ATP6V0D2: variants seen among roughly 807,000 people sequenced by gnomAD.
ATP6V0D2 encodes V-type proton ATPase subunit d 2.
A neutral mutation model predicts 40.0 loss-of-function variants in ATP6V0D2; 40 were observed. The observed-to-expected ratio is 1.00, with a 90% CI of 0.78 to 1.30. ATP6V0D2 has a LOEUF of 1.30. Among genes scored for constraint, ATP6V0D2 ranks in the 50% most tolerant of loss-of-function variants. The probability of loss-of-function intolerance (pLI) is 0.00; values close to 1 mark genes in which losing one functional copy is unlikely to be tolerated. For missense variants in ATP6V0D2, 470 were observed against 423.1 expected, an observed-to-expected ratio of 1.11 and a Z score of -0.97; for synonymous variants, 179 against 156.3, an observed-to-expected ratio of 1.15 and a Z score of -1.08.
chr8:86,103,707 T>C (rs997139539), intron 1 of ATP6V0D2, among the ~76,000 whole-genome samples: 3 of 152,160 alleles, frequency 2.0e-5, no homozygotes, highest in African/African-American at 7.2e-5. Flanking sequence ...GGATGGCAAT[T>C]GGGTAGTACC....
In ATP6V0D2 at chr8:86,099,587, G is replaced by A. The variant is rs531701509; in HGVS notation, c.130+479G>A. ...TGGCTCACCACAACCTCCGCCTCCC[G>A]GGTTCAAGCAATTCTCCTGCCTCAG... On this transcript the variant is annotated intron_variant, in intron 1 of 7. Transcript: ENST00000285393. Among the ~76,000 whole-genome samples the A allele has an allele frequency of 1.4e-3, 215 of 152,202 alleles. 6 individuals are homozygous for A. The South Asian group carries it at 0.041, about 29-fold the overall frequency.
At chr8:86,108,556 T>A (rs1818496646) in intron 1 of ATP6V0D2, among the ~76,000 whole-genome samples, 1 of 152,142 alleles carries the variant, frequency 6.6e-6, no homozygotes, top group Admixed American at 6.5e-5. Context: ...CAGCAGAGTG[T>A]GGGGAAAGGC....
intron 5 of ATP6V0D2, among the ~76,000 whole-genome samples, chr8:86,146,272 G>A (rs982055562): frequency 1.3e-5 from 2 of 152,150 alleles, no homozygotes; most frequent in Non-Finnish European, 2.9e-5. Flanking sequence ...AAAAAGGATA[G>A]TATCATAAAA....
chr8:86,113,851 G>A lies in ATP6V0D2; in HGVS notation c.273G>A (p.Glu91=), dbSNP rs1048567985. 4 of 1,613,684 alleles carry A rather than the reference G, an allele frequency of 2.5e-6. No individual in the cohort carries two copies. The African/African-American group carries it at 4.0e-5, about 16-fold the overall frequency. ...AGTATTTCCGGAATCATTCCCTGGA[G>A]CCCCTCAGCACATTTCTCACCTATA... ...EFEYFRNHSL[E]PLSTFLTYMT... is the part of the protein sequence containing the mutation. Residue 91 remains glutamate, a synonymous_variant, in exon 2 of 8, where the codon GAG becomes GAA. Coordinates refer to ENST00000285393, the MANE Select transcript of ATP6V0D2 (RefSeq NM_152565.1).
At position 86,139,534 on chromosome 8, in the gene ATP6V0D2, G is replaced by A. The variant is rs143921940; in HGVS notation, c.380G>A (p.Gly127Glu). 4 of 1,613,758 alleles carry A rather than the reference G, an allele frequency of 2.5e-6. No homozygotes were observed. The African/African-American group carries it at 5.3e-5, about 22-fold the overall frequency. ...LQKKSVKEIL[G>E]KCHPLGRFTE... is the part of the protein sequence containing the mutation. ...AAAAAATCTGTGAAAGAAATTCTGG[G>A]GAAGTGCCACCCCTTGGGCCGTTTC... is the stretch of plus-strand genomic sequence containing the variant. Residue 127 changes from glycine to glutamate, a missense_variant, in exon 3 of 8, where the codon GGG becomes GAG. Coordinates refer to ENST00000285393, the MANE Select transcript of ATP6V0D2 (RefSeq NM_152565.1).
At chr8:86,126,004 C>A (rs573683532) in intron 2 of ATP6V0D2, among the ~76,000 whole-genome samples, 4 of 149,988 alleles carry the variant, frequency 2.7e-5, no homozygotes, top group African/African-American at 9.7e-5. Flanking sequence ...GGTGTGTGAT[C>A]TTGGCTCACT....
intron 1 of ATP6V0D2, among the ~76,000 whole-genome samples, chr8:86,102,700 G>A (rs1183066483): frequency 2.0e-5 from 3 of 152,206 alleles, no homozygotes; most frequent in African/African-American, 7.2e-5. Context: ...TGGGTTAAGT[G>A]TAGTAAGAAA....
intron 7 of ATP6V0D2, among the ~76,000 whole-genome samples, chr8:86,152,292 A>T (rs1819169024): frequency 6.6e-6 from 1 of 152,186 alleles, no homozygotes. Flanking sequence ...CATGGTATAT[A>T]TGTGCCACAT....
rs531159801 is a variant in ATP6V0D2, at chr8:86,152,870, G to A, written c.946G>A (p.Ala316Thr). 3.5e-5 allele frequency: 57 copies of A among 1,612,562 alleles called. No individual in the cohort carries two copies. The South Asian group carries it at 6.3e-4, about 18-fold the overall frequency. ...ACAGTTCCACTACGGTGTGTTTTATGCATATGTAAAGCTGAAGGAACAGGA... is the reference window on the plus strand; with the variant it reads ...ACAGTTCCACTACGGTGTGTTTTATACATATGTAAAGCTGAAGGAACAGGA... ...NRQFHYGVFY[A>T]YVKLKEQEIR... The change falls in exon 8 of 8, where the codon GCA becomes ACA. Residue 316 changes from alanine (A) to threonine (T), a missense_variant. Transcript: ENST00000285393.
intron 5 of ATP6V0D2, among the ~76,000 whole-genome samples, chr8:86,149,529 T>A (rs1395397468): frequency 6.6e-6 from 1 of 152,136 alleles, no homozygotes; most frequent in Non-Finnish European, 1.5e-5. Flanking sequence ...ACCCACATAG[T>A]TCTTAGCTAC....
chr8:86,101,805 A>G (rs192112255), intron 1 of ATP6V0D2, among the ~76,000 whole-genome samples: 2 of 152,224 alleles, frequency 1.3e-5, no homozygotes, highest in Admixed American at 6.5e-5. Context: ...ACCTGAAGCC[A>G]CCCCACCTGT....
chr8:86,138,305 G>T (rs1818924771), intron 2 of ATP6V0D2, among the ~76,000 whole-genome samples: 1 of 152,164 alleles, frequency 6.6e-6, no homozygotes, highest in Admixed American at 6.5e-5. Flanking sequence ...TCCAGGACTG[G>T]TTTAGCGTCC....
chr8:86,140,680 AGTATATT>A (rs1818959374), intron 3 of ATP6V0D2, among the ~76,000 whole-genome samples: 3 of 152,168 alleles, frequency 2.0e-5, no homozygotes, highest in Non-Finnish European at 4.4e-5. Context: ...ATTAAATGAA[AGTATATT>A]CAGTGTATAG....
chr8:86,143,024 C>T, intron 5 of ATP6V0D2, 70 bp downstream of exon 5: 2 of 1,043,560 alleles, frequency 1.9e-6, no homozygotes, highest in Non-Finnish European at 2.8e-6. Context: ...TTTAACCTTA[C>T]TTATATTTCC....
chr8:86,135,248 A>G (rs1818881735), intron 2 of ATP6V0D2, among the ~76,000 whole-genome samples: 1 of 152,230 alleles, frequency 6.6e-6, no homozygotes, highest in African/African-American at 2.4e-5. Context: ...TTATGGCTCT[A>G]TAATATTTGA....
intron 2 of ATP6V0D2, among the ~76,000 whole-genome samples, chr8:86,118,426 G>C (rs1425742176): frequency 1.3e-5 from 2 of 151,864 alleles, no homozygotes; most frequent in African/African-American, 4.8e-5. Context: ...GTTGGTATCT[G>C]CAAGGCCCTT....
At chr8:86,137,915 T>C (rs949244623) in intron 2 of ATP6V0D2, among the ~76,000 whole-genome samples, 1 of 152,242 alleles carries the variant, frequency 6.6e-6, no homozygotes, top group Non-Finnish European at 1.5e-5. Flanking sequence ...GTTGCAGCTA[T>C]GGTTTGAAAA....
chr8:86,135,331 A>G (rs915737036), intron 2 of ATP6V0D2, among the ~76,000 whole-genome samples: 1 of 152,222 alleles, frequency 6.6e-6, no homozygotes, highest in South Asian at 2.1e-4. Flanking sequence ...TTTCTTTGAG[A>G]TCCTTAAATA....
chr8:86,126,097 C>T (rs143215607), intron 2 of ATP6V0D2, among the ~76,000 whole-genome samples: 4,101 of 149,568 alleles, frequency 0.027, 188 homozygotes, highest in African/African-American at 0.094. Context: ...ACCATCATGA[C>T]CAGCTAATTT....
Sources: allele counts gnomAD v4.1 joint callset (sites outside exome capture counted in the v4.1 genomes callset), GRCh38; gene constraint gnomAD v4.1.1; transcripts MANE v1.5; gene names NCBI Gene and HGNC (gene_info 2026-07-23, HGNC 2026-07-21).